CEP120: variants seen among roughly 807,000 people sequenced by gnomAD.
The protein encoded by CEP120 is centrosomal protein of 120 kDa.
A neutral mutation model predicts 126.5 loss-of-function variants in CEP120; 113 were observed. The observed-to-expected ratio is 0.89, with a 90% CI of 0.77 to 1.04. The LOEUF is 1.04. Ranked by LOEUF, CEP120 falls within the 50% of genes least tolerant of loss-of-function variation. The pLI is 0.00. For missense variants in CEP120, 1,230 were observed against 1,155.7 expected (o/e 1.06, Z -0.93); for synonymous variants, 400 against 394.3 (o/e 1.01, Z -0.17).
In CEP120 at chr5:123,382,215, AAAAT is replaced by A. The variant is rs1771695815; in HGVS notation, c.2014-19_2014-16del. ...TTCTGCTTCAGCTACAAAAGGAAGA[AAAAT>A]AAAGTCGCCAAAAAACCCCAAATAT... is the stretch of plus-strand genomic sequence containing the variant. On this transcript the variant is annotated splice_polypyrimidine_tract_variant and intron_variant, in intron 13 of 19. Coordinates refer to ENST00000306467, the MANE Select transcript of CEP120 (RefSeq NM_001375405.1). 1 of 1,587,644 alleles carries A rather than the reference AAAAT, an allele frequency of 6.3e-7. No homozygotes were observed.
intron 16 of CEP120, among the ~76,000 whole-genome samples, chr5:123,374,626 T>C (rs1045941166): frequency 9.9e-5 from 15 of 152,064 alleles, no homozygotes; most frequent in East Asian, 5.8e-4. Flanking sequence ...TAAGAAAATA[T>C]GTGGCAAAAA....
At chr5:123,364,732 T>A (rs1206391609) in intron 17 of CEP120, 138 bp from the exon 18 acceptor site, 2 of 391,086 alleles carry the variant, frequency 5.1e-6, no homozygotes, top group Non-Finnish European at 9.2e-6. Flanking sequence ...AACTGTTATA[T>A]AATTTACTAT....
In CEP120 at chr5:123,396,416, C is replaced by A. The variant is rs138714713; in HGVS notation, c.612+2720G>T. The stretch of plus-strand genomic sequence containing the variant: ...AGATAGTAAACAATTTGCCAGACAT[C>A]AACCTGTGTGTTTTTTTTTTTAAAC... On this transcript the variant is annotated intron_variant, in intron 5 of 19. Coordinates refer to ENST00000306467, the MANE Select transcript of CEP120 (RefSeq NM_001375405.1). Among the ~76,000 whole-genome samples, 373 of 151,928 alleles carry A rather than the reference C, an allele frequency of 2.5e-3. 4 individuals are homozygous for A. Among genetic ancestry groups the A allele is most frequent in the African/African-American group, 8.6e-3 (356 of 41,470 alleles).
chr5:123,402,139 T>C, intron 4 of CEP120: 25 of 1,586,100 alleles, frequency 1.6e-5, no homozygotes, highest in Non-Finnish European at 2.2e-5. Flanking sequence ...AGGCTCTGGT[T>C]GACTGTGACC....
At chr5:123,373,099 C>T (rs905420219) in intron 16 of CEP120, among the ~76,000 whole-genome samples, 1 of 151,962 alleles carries the variant, frequency 6.6e-6, no homozygotes, top group African/African-American at 2.4e-5. Flanking sequence ...TAAGATGTCG[C>T]ATATAAGAAA....
chr5:123,350,128 T>TTGTTCCTAATATTA, intron 18 of CEP120, 39 bp from the exon 19 acceptor site: 2 of 1,535,720 alleles, frequency 1.3e-6, no homozygotes, highest in Non-Finnish European at 1.8e-6. Flanking sequence ...TCCTTAATAT[T>TTGTTCCTAATATTA]AGGAACAAAT....
chr5:123,378,529 G>C (rs1283975624), intron 14 of CEP120, 101 bp from the exon 15 acceptor site: 16 of 593,700 alleles, frequency 2.7e-5, no homozygotes, highest in Non-Finnish European at 4.0e-5. Context: ...TGAAACAGAG[G>C]ACCTAAGAAT....
chr5:123,345,414 T>TTAA lies in CEP120; in HGVS notation c.*1102_*1104dup, dbSNP rs1291654639. The TTAA allele has an allele frequency of 6.6e-6, 1 of 152,134 alleles. No individual in the cohort carries two copies. Among genetic ancestry groups the TTAA allele is most frequent in the African/African-American group, 2.4e-5 (1 of 41,446 alleles). The allele number at this position is 152,134 out of a possible 1,614,324, so 9.4% of individuals were successfully genotyped here. A position where few individuals can be genotyped will look rare whatever the true frequency, so the allele number is the denominator to read the frequency against. ...ATTGGTAACTTCCTAAAGTATATAC[T>TTAA]TAATTTTAACTTTATTATATTTGGA... On this transcript the variant is annotated 3_prime_UTR_variant, in exon 20 of 20. Coordinates refer to ENST00000306467, the MANE Select transcript of CEP120 (RefSeq NM_001375405.1).
intron 4 of CEP120, among the ~76,000 whole-genome samples, chr5:123,406,074 T>C (rs1175536638): frequency 6.6e-6 from 1 of 151,908 alleles, no homozygotes; most frequent in Non-Finnish European, 1.5e-5. Context: ...ACTATGAGAA[T>C]TGGTTCATTA....
At chr5:123,374,883 A>G (rs1771098172) in intron 16 of CEP120, among the ~76,000 whole-genome samples, 1 of 152,182 alleles carries the variant, frequency 6.6e-6, no homozygotes, top group Non-Finnish European at 1.5e-5. Flanking sequence ...GCTATAAAGC[A>G]GTAAGCTATT....
At chr5:123,409,918 T>C (rs1476005203) in intron 4 of CEP120, among the ~76,000 whole-genome samples, 1 of 142,402 alleles carries the variant, frequency 7.0e-6, no homozygotes, top group Non-Finnish European at 1.5e-5. Context: ...ATCGCACCAC[T>C]GCACTCCAGC....
intron 14 of CEP120, among the ~76,000 whole-genome samples, chr5:123,380,364 A>G (rs1461118288): frequency 6.6e-6 from 1 of 152,068 alleles, no homozygotes; most frequent in African/African-American, 2.4e-5. Context: ...GCAAATCTCA[A>G]TCTCAGATCT....
chr5:123,399,591 T>C (rs1773038615), intron 4 of CEP120, among the ~76,000 whole-genome samples: 1 of 152,078 alleles, frequency 6.6e-6, no homozygotes, highest in Non-Finnish European at 1.5e-5. Context: ...ATAAGCTAGA[T>C]ATGGCTAAGA....
intron 1 of CEP120, 56 bp from the exon 2 acceptor site, chr5:123,418,571 AT>A: frequency 7.2e-7 from 1 of 1,393,964 alleles, no homozygotes; most frequent in Non-Finnish European, 9.6e-7. Context: ...AAACAGGATC[AT>A]TTACCATGTG....
At chr5:123,370,058 TTCA>T (rs1406149457) in intron 17 of CEP120, among the ~76,000 whole-genome samples, 10 of 152,056 alleles carry the variant, frequency 6.6e-5, no homozygotes, top group African/African-American at 2.4e-4. Flanking sequence ...ATGGTGTTGG[TTCA>T]TCATCATGAA....
intron 10 of CEP120, among the ~76,000 whole-genome samples, chr5:123,386,056 G>A (rs929202420): frequency 1.3e-5 from 2 of 151,792 alleles, no homozygotes; most frequent in African/African-American, 4.8e-5. Context: ...AAGGTGTTTC[G>A]CAGATCTCAG....
intron 19 of CEP120, among the ~76,000 whole-genome samples, chr5:123,348,772 C>A (rs1174626174): frequency 6.6e-6 from 1 of 152,090 alleles, no homozygotes; most frequent in Non-Finnish European, 1.5e-5. Context: ...CTTTGGGAGA[C>A]AATCAGGTTT....
Position 123,418,524 on chromosome 5 carries a change from A to C in CEP120, c.50-9T>G. 6.3e-7 allele frequency: 1 copy of C among 1,591,702 alleles called. No individual in the cohort carries two copies. The highest frequency in any genetic ancestry group is 8.6e-7 in the Non-Finnish European group (1 of 1,165,908). On this transcript the variant is annotated splice_polypyrimidine_tract_variant and intron_variant, in intron 1 of 19. Coordinates refer to ENST00000306467, the MANE Select transcript of CEP120 (RefSeq NM_001375405.1). ...TTTGGGGAAATGCCGACCTGGAGAA[A>C]CAGAATATATAGATTAATCAAAAGT...
chr5:123,422,643 G>A (rs1562107006), intron 1 of CEP120: 1 of 1,091,360 alleles, frequency 9.2e-7, no homozygotes, highest in Non-Finnish European at 1.3e-6. Flanking sequence ...CGCTTCTCAG[G>A]ACCACGTTCA....
Sources: gnomAD v4.1 joint callset for allele counts (sites outside exome capture counted in the v4.1 genomes callset) on GRCh38, gnomAD v4.1.1 for gene constraint, MANE v1.5 for transcripts, NCBI Gene and HGNC (gene_info 2026-07-23, HGNC 2026-07-21) for gene names.